CYLD: variants seen among roughly 807,000 people sequenced by gnomAD.
The protein encoded by CYLD is CYLD lysine 63 deubiquitinase.
CYLD carries 26 observed loss-of-function variants against 104.5 expected under a neutral mutation model. That is an observed-to-expected ratio of 0.25 (90% CI 0.18 to 0.35). The LOEUF (loss-of-function observed/expected upper bound fraction) is 0.35, where lower values mean the gene tolerates loss of function less well. Ranked by LOEUF, CYLD falls within the 10% of genes least tolerant of loss-of-function variation. CYLD has a pLI of 1.00. For missense variants in CYLD, 703 were observed against 1,136.1 expected (o/e 0.62, Z 5.48); for synonymous variants, 385 against 399.9 (o/e 0.96, Z 0.45).
chr16:50,784,259 T>C, intron 11 of CYLD, 70 bp from the exon 12 acceptor site: 1 of 1,521,812 alleles, frequency 6.6e-7, no homozygotes, highest in Non-Finnish European at 9.1e-7. Flanking sequence ...CCTCTTCTAA[T>C]TCTGTTAAAA....
rs1397077547 is a variant in CYLD, at chr16:50,797,413, T to G, written c.*905T>G. 1 of 232,218 alleles carries G rather than the reference T, an allele frequency of 4.3e-6. No homozygotes were observed. Among genetic ancestry groups the G allele is most frequent in the Non-Finnish European group, 8.5e-6 (1 of 117,466 alleles). The allele number at this position is 232,218 out of a possible 1,614,324, so 14.4% of individuals were successfully genotyped here. A position where few individuals can be genotyped will look rare whatever the true frequency, so the allele number is the denominator to read the frequency against. ...GGAGAGATGGATATTTAAACCTCTA[T>G]TATTTTAGACAAGACTGTCTAGAAC... On this transcript the variant is annotated 3_prime_UTR_variant, in exon 19 of 19. Transcript: ENST00000427738.
At position 50,792,725 on chromosome 16, in the gene CYLD, A is replaced by T; in HGVS notation, c.2350+20A>T. ...AAGACAGTAAGTATGAGATTTTTTT[A>T]GTTTGTTTTGTTGGTTTTGTGGAAA... On this transcript the variant is annotated intron_variant, in intron 16 of 18. Transcript: ENST00000427738. The T allele has an allele frequency of 1.5e-6, 2 of 1,301,842 alleles. No homozygotes were observed. Among genetic ancestry groups the T allele is most frequent in the Non-Finnish European group, 2.2e-6 (2 of 910,860 alleles). 80.6% of individuals were successfully genotyped at this position (1,301,842 alleles called of 1,614,324 possible). A position where few individuals can be genotyped will look rare whatever the true frequency, so the allele number is the denominator to read the frequency against.
At position 50,780,072 on chromosome 16, in the gene CYLD, A is replaced by T. The variant is rs775210267; in HGVS notation, c.1518+28A>T. ...AATTTAACTTGACCCAAAAATTTCA[A>T]TTTTTTTCTCTGTGAGGTTTTGTGC... On this transcript the variant is annotated intron_variant, in intron 9 of 18. Coordinates refer to ENST00000427738, the MANE Select transcript of CYLD (RefSeq NM_001378743.1). 75 of 1,612,742 alleles carry T rather than the reference A, an allele frequency of 4.7e-5. 3 individuals carry two copies. The Admixed American group carries it at 1.2e-3, about 26-fold the overall frequency.
rs1225704817 is a variant in CYLD, at chr16:50,781,199, T to C, written c.1519-47T>C. 6 of 1,608,448 alleles carry C rather than the reference T, an allele frequency of 3.7e-6. No individual in the cohort carries two copies. In the Admixed American group the frequency reaches 1.0e-4, roughly 27 times the overall value. On this transcript the variant is annotated intron_variant, in intron 9 of 18. Transcript: ENST00000427738. ...AGAAACCTTAGTTCTTTGTATACTA[T>C]CTCTGTAAGGCACGGTATAATGCAT...
chr16:50,779,968 A>T lies in CYLD; in HGVS notation c.1442A>T (p.Asn481Ile). The T allele has an allele frequency of 6.2e-7, 1 of 1,614,080 alleles. No homozygotes were observed. Among genetic ancestry groups the T allele is most frequent in the Non-Finnish European group, 8.5e-7 (1 of 1,179,962 alleles). Reference protein sequence around the residue: ...EVGSLAEVKENPPFYGVIRWI... With the variant: ...EVGSLAEVKEIPPFYGVIRWI... The stretch of plus-strand genomic sequence containing the variant: ...GGCTCATTGGCTGAAGTTAAGGAGA[A>T]CCCTCCTTTCTATGGGGTAATCCGT... Residue 481 changes from asparagine (N) to isoleucine (I), a missense_variant, in exon 9 of 19, where the codon AAC becomes ATC. Physicochemically the swap from Asn to Ile is moderately radical, Grantham distance 149 (BLOSUM62 -3). Around this residue, in one of 5 missense-constraint regions of CYLD, gnomAD observed 183 missense variants for 212.1 expected, o/e 0.86. Coordinates refer to ENST00000427738, the MANE Select transcript of CYLD (RefSeq NM_001378743.1).
intron 3 of CYLD, 138 bp from the exon 4 acceptor site, chr16:50,751,466 G>T (rs1286087417): frequency 1.6e-6 from 1 of 620,140 alleles, no homozygotes; most frequent in East Asian, 2.8e-5. Context: ...AACAGAAACT[G>T]CTAATAATTG....
Position 50,791,550 on chromosome 16 carries a change from G to A in CYLD, c.2109-8G>A. ...GTTGTATGTATTTTTTTCTCTGCGT[G>A]TTTTTAGATCAGCAGGTCAAAAGGT... On this transcript the variant is annotated splice_region_variant and splice_polypyrimidine_tract_variant and intron_variant, in intron 14 of 18. Coordinates refer to ENST00000427738, the MANE Select transcript of CYLD (RefSeq NM_001378743.1). 1.2e-6 allele frequency: 2 copies of A among 1,613,570 alleles called. No individual in the cohort carries two copies. The highest frequency in any genetic ancestry group is 1.7e-6 in the Non-Finnish European group (2 of 1,179,696).
At chr16:50,762,538 T>A (rs115492145) in intron 5 of CYLD, among the ~76,000 whole-genome samples, 1,657 of 152,274 alleles carry the variant, frequency 0.011, 33 homozygotes, top group African/African-American at 0.038. Context: ...ACATTTCCAT[T>A]GTTTGTTTTC....
At chr16:50,761,274 T>A (rs2150941495) in intron 5 of CYLD, among the ~76,000 whole-genome samples, 1 of 152,328 alleles carries the variant, frequency 6.6e-6, no homozygotes, top group Non-Finnish European at 1.5e-5. Flanking sequence ...GTCACCCTCA[T>A]TTGTTTTTAT....
At chr16:50,758,720 G>A (rs1446430766) in intron 5 of CYLD, among the ~76,000 whole-genome samples, 1 of 152,140 alleles carries the variant, frequency 6.6e-6, no homozygotes, top group Non-Finnish European at 1.5e-5. Context: ...TGATTCCAAG[G>A]TTTGGACTGA....
Position 50,793,655 on chromosome 16 carries a change from C to T in CYLD, c.2460C>T (p.Cys820=), listed in dbSNP as rs769325996. 1 of 1,606,260 alleles carries T rather than the reference C, an allele frequency of 6.2e-7. No individual in the cohort carries two copies. Among genetic ancestry groups the T allele is most frequent in the Middle Eastern group, 1.7e-4 (1 of 6,034 alleles). ...AAATCAAGCAGTTTTGTAAAACCTG[C>T]AACACTCAAGTGAGCTTCCCTTCAC... ...AGKIKQFCKT[C]NTQVHLHPKR... Residue 820 remains cysteine (C), a synonymous_variant, in exon 17 of 19, where the codon TGC becomes TGT. Transcript: ENST00000427738.
At chr16:50,770,753 C>G (rs1290277861) in intron 5 of CYLD, among the ~76,000 whole-genome samples, 1 of 152,056 alleles carries the variant, frequency 6.6e-6, no homozygotes, top group Non-Finnish European at 1.5e-5. Context: ...ACCCAGCCTT[C>G]GTATATATTC....
intron 9 of CYLD, 66 bp downstream of exon 9, chr16:50,780,110 A>C: frequency 6.4e-7 from 1 of 1,562,218 alleles, no homozygotes; most frequent in African/African-American, 1.3e-5. Context: ...ATTTCGCCCT[A>C]TTATATGCTT....
At chr16:50,789,686 TGACA>T (rs956534349) in intron 14 of CYLD, among the ~76,000 whole-genome samples, 15 of 152,178 alleles carry the variant, frequency 9.9e-5, no homozygotes, top group African/African-American at 3.4e-4. Context: ...CATTTCATTT[TGACA>T]GACAGAGTCA....
chr16:50,750,958 T>A (rs1272688024), intron 3 of CYLD, among the ~76,000 whole-genome samples: 1 of 152,246 alleles, frequency 6.6e-6, no homozygotes, highest in African/African-American at 2.4e-5. Flanking sequence ...AATGCTGTGA[T>A]ATGTTTCCAA....
intron 3 of CYLD, among the ~76,000 whole-genome samples, chr16:50,751,247 C>T (rs1279011936): frequency 6.6e-6 from 1 of 152,182 alleles, no homozygotes; most frequent in African/African-American, 2.4e-5. Context: ...AGGATTTAAG[C>T]ACAGTGACTG....
chr16:50,782,584 T>A, intron 11 of CYLD, 118 bp downstream of exon 11: 1 of 1,053,276 alleles, frequency 9.5e-7, no homozygotes, highest in Non-Finnish European at 1.4e-6. Context: ...TGCCTCTGAG[T>A]AGAGAAACTG....
At chr16:50,754,211 T>C in intron 4 of CYLD, 108 bp from the exon 5 acceptor site, 1 of 765,036 alleles carries the variant, frequency 1.3e-6, no homozygotes, top group Non-Finnish European at 2.3e-6. Flanking sequence ...GTAAAATTGT[T>C]AACATTTACC....
rs1284141775 is a variant in CYLD at position 50,799,940 on chromosome 16, G to T, written c.*3432G>T. On this transcript the variant is annotated 3_prime_UTR_variant, in exon 19 of 19. Coordinates refer to ENST00000427738, the MANE Select transcript of CYLD (RefSeq NM_001378743.1). Reference sequence around the variant, plus strand: ...TTGTATCAGAGGGAATATGAAATGTGTCCCTGCCCTACCTAGTTTTAACGA... The same window carrying T: ...TTGTATCAGAGGGAATATGAAATGTTTCCCTGCCCTACCTAGTTTTAACGA... 1 of 232,990 alleles carries T rather than the reference G, an allele frequency of 4.3e-6. No individual in the cohort carries two copies. Among genetic ancestry groups the T allele is most frequent in the African/African-American group, 2.2e-5 (1 of 45,312 alleles). 14.4% of individuals were successfully genotyped at this position (232,990 alleles called of 1,614,324 possible).
Sources: gnomAD v4.1 joint callset for allele counts (sites outside exome capture counted in the v4.1 genomes callset) on GRCh38, gnomAD v4.1.1 for gene constraint, gnomAD v4.1.1 regional missense constraint, MANE v1.5 for transcripts, NCBI Gene and HGNC (gene_info 2026-07-23, HGNC 2026-07-21) for gene names.